Variants in DGKB observed in about 807,000 individuals in gnomAD.
DGKB encodes diacylglycerol kinase beta.
DGKB carries 67 observed loss-of-function variants against 114.3 expected under a neutral mutation model. That is an observed-to-expected ratio of 0.59 (90% confidence interval 0.48 to 0.72). The LOEUF (loss-of-function observed/expected upper bound fraction) is 0.72, where lower values mean the gene tolerates loss of function less well. Ranked by LOEUF, DGKB falls within the 30% of genes least tolerant of loss-of-function variation. The pLI is 0.00. For missense variants in DGKB, 907 were observed against 975.2 expected, an observed-to-expected ratio of 0.93 and a Z score of 0.93; for synonymous variants, 398 against 323.1, an observed-to-expected ratio of 1.23 and a Z score of -2.49.
chr7:14,635,983 C>T (rs907220931), intron 13 of DGKB, among the ~76,000 whole-genome samples: 5 of 151,522 alleles, frequency 3.3e-5, no homozygotes, highest in African/African-American at 1.2e-4. Flanking sequence ...GAATTAAAGC[C>T]TAGGTCTCCT....
intron 5 of DGKB, among the ~76,000 whole-genome samples, chr7:14,728,350 G>T (rs768596554): frequency 2.6e-5 from 4 of 152,074 alleles, no homozygotes; most frequent in Non-Finnish European, 5.9e-5. Flanking sequence ...ATTTCTTCTG[G>T]ATAAAATTCA....
At chr7:14,893,537 G>A (rs1457180726) in intron 1 of DGKB, among the ~76,000 whole-genome samples, 3 of 151,262 alleles carry the variant, frequency 2.0e-5, no homozygotes, top group African/African-American at 4.8e-5. Context: ...GATTTGTAGC[G>A]ATGCCAAGAC....
Position 14,899,051 on chromosome 7 carries a change from C to T in DGKB, c.-188+3541G>A, listed in dbSNP as rs561031201. Among the ~76,000 whole-genome samples the T allele has an allele frequency of 1.4e-4, 21 of 152,206 alleles. No individual in the cohort carries two copies. The South Asian group carries it at 2.3e-3, about 17-fold the overall frequency. ...AATCTTAAAATATTGTTTGGCTCTA[C>T]GCCCATAACATTTTCACTTTATTCT... On this transcript the variant is annotated intron_variant, in intron 1 of 25. Coordinates refer to ENST00000402815, the MANE Select transcript of DGKB (RefSeq NM_001350709.2).
At chr7:14,822,099 G>A (rs968233336) in intron 2 of DGKB, among the ~76,000 whole-genome samples, 5 of 152,086 alleles carry the variant, frequency 3.3e-5, no homozygotes, top group South Asian at 2.1e-4. Flanking sequence ...TACTTTAATC[G>A]GGCAGAAAGG....
At chr7:14,505,890 G>A (rs1000306156) in intron 20 of DGKB, among the ~76,000 whole-genome samples, 3 of 152,090 alleles carry the variant, frequency 2.0e-5, no homozygotes, top group African/African-American at 4.8e-5. Flanking sequence ...TCCAAAGGCA[G>A]GGCAACATTC....
chr7:14,665,023 T>C (rs1382133442), intron 13 of DGKB, among the ~76,000 whole-genome samples: 1 of 151,906 alleles, frequency 6.6e-6, no homozygotes, highest in Non-Finnish European at 1.5e-5. Context: ...CTTTAAGAAA[T>C]AAAAATAACA....
chr7:14,829,832 T>TA (rs1458766848), intron 2 of DGKB, among the ~76,000 whole-genome samples: 2 of 151,932 alleles, frequency 1.3e-5, no homozygotes, highest in African/African-American at 4.8e-5. Flanking sequence ...AATTGAGGGG[T>TA]ATCACAGAGT....
At chr7:14,833,229 T>C (rs73052959) in intron 2 of DGKB, among the ~76,000 whole-genome samples, 2,296 of 152,242 alleles carry the variant, frequency 0.015, 25 homozygotes, top group Non-Finnish European at 0.024. Context: ...TAATAGGTTT[T>C]TAGTCTCCTT....
chr7:14,198,373 G>A (rs1232143335), intron 23 of DGKB, among the ~76,000 whole-genome samples: 1 of 151,972 alleles, frequency 6.6e-6, no homozygotes, highest in African/African-American at 2.4e-5. Context: ...TGTTGAGGCT[G>A]GCAGAAGACA....
chr7:14,780,737 T>C (rs1166162203), intron 2 of DGKB, among the ~76,000 whole-genome samples: 2 of 152,178 alleles, frequency 1.3e-5, no homozygotes, highest in South Asian at 2.1e-4. Context: ...ATGTGCAAAA[T>C]AGATCCAGGG....
chr7:14,172,792 A>T (rs193215422), intron 25 of DGKB, among the ~76,000 whole-genome samples: 1 of 152,230 alleles, frequency 6.6e-6, no homozygotes, highest in African/African-American at 2.4e-5. Context: ...GGTTGTACAG[A>T]TACAAAATAA....
chr7:14,319,371 G>C (rs56752869), intron 23 of DGKB, among the ~76,000 whole-genome samples: 7,980 of 151,948 alleles, frequency 0.053, 525 homozygotes, highest in African/African-American at 0.15. Flanking sequence ...ACATTACAGA[G>C]ATTTATAAAA....
At chr7:14,497,307 G>A (rs1391484683) in intron 20 of DGKB, among the ~76,000 whole-genome samples, 4 of 151,498 alleles carry the variant, frequency 2.6e-5, no homozygotes, top group Admixed American at 6.6e-5. Context: ...CCCACATAAC[G>A]AAAAACTACT....
At chr7:14,686,442 C>A (rs987103501) in intron 9 of DGKB, among the ~76,000 whole-genome samples, 2 of 152,078 alleles carry the variant, frequency 1.3e-5, no homozygotes, top group South Asian at 4.1e-4. Flanking sequence ...TATTGGTATT[C>A]TATTGAAAAC....
At chr7:14,596,793 GGC>G (rs1802658038) in intron 17 of DGKB, among the ~76,000 whole-genome samples, 5 of 152,068 alleles carry the variant, frequency 3.3e-5, no homozygotes, top group Admixed American at 2.6e-4. Context: ...CATGGGGGAG[GGC>G]TCTTAATTAT....
At chr7:14,657,932 A>G (rs1273286383) in intron 13 of DGKB, among the ~76,000 whole-genome samples, 1 of 151,968 alleles carries the variant, frequency 6.6e-6, no homozygotes, top group Admixed American at 6.6e-5. Context: ...AAAGAGACAC[A>G]CACCATACTT....
intron 13 of DGKB, among the ~76,000 whole-genome samples, chr7:14,659,084 C>G (rs1352780860): frequency 6.6e-6 from 1 of 151,814 alleles, no homozygotes; most frequent in African/African-American, 2.4e-5. Context: ...CCCTACCACT[C>G]GACAGGCCCT....
At chr7:14,924,073 T>C (rs924081007) in intron 1 of DGKB, among the ~76,000 whole-genome samples, 1 of 151,346 alleles carries the variant, frequency 6.6e-6, no homozygotes, top group Non-Finnish European at 1.5e-5. Flanking sequence ...CTGTCTTGAT[T>C]ACTAACTACC....
chr7:14,266,145 A>T (rs2128421955), intron 23 of DGKB, among the ~76,000 whole-genome samples: 1 of 152,280 alleles, frequency 6.6e-6, no homozygotes, highest in East Asian at 1.9e-4. Context: ...TGTGTAGAGA[A>T]GCCATCAAGC....
Sources: allele counts gnomAD v4.1 joint callset (sites outside exome capture counted in the v4.1 genomes callset), GRCh38; gene constraint gnomAD v4.1.1; transcripts MANE v1.5; gene names NCBI Gene and HGNC (gene_info 2026-07-23, HGNC 2026-07-21).